The following AKT1 variants were observed in gnomAD, a reference collection of about 807,000 sequenced individuals.
AKT1 encodes RAC-alpha serine/threonine-protein kinase.
In AKT1, 21 loss-of-function variants were observed where a neutral mutation model predicts 63.1. The observed-to-expected ratio is 0.33, with a 90% confidence interval of 0.24 to 0.48. The LOEUF is 0.48. AKT1 is among the 20% of genes least tolerant of loss of function. The probability of loss-of-function intolerance (pLI) is 0.99; values close to 1 mark genes in which losing one functional copy is unlikely to be tolerated. For synonymous variants in AKT1, 257 were observed against 253.1 expected, an observed-to-expected ratio of 1.02 and a Z score of -0.15; for missense variants, 382 against 666.0, an observed-to-expected ratio of 0.57 and a Z score of 4.69.
At chr14:104,773,877 C>T (rs371922463) in intron 9 of AKT1, 35 bp downstream of exon 9, 197 of 1,573,026 alleles carry the variant, frequency 1.3e-4, no homozygotes, top group Non-Finnish European at 1.6e-4. Flanking sequence ...GGCCCACAGG[C>T]CGCGAAGTCC....
rs546796275 is a variant in AKT1 at position 104,785,231 on chromosome 14, G to A, written c.47-5015C>T. Among the ~76,000 whole-genome samples the A allele has an allele frequency of 2.2e-4, 34 of 152,268 alleles. No homozygotes were observed. The South Asian group carries it at 2.7e-3, about 12-fold the overall frequency. ...CACCCTCCCCGCCTGCCAGGAGACC[G>A]CACAGCTCACCGCGAAGGGCCCGGC... On this transcript the variant is annotated intron_variant, in intron 3 of 14. Transcript: ENST00000649815.
chr14:104,777,599 A>G, intron 4 of AKT1: 1 of 1,000,156 alleles, frequency 1.0e-6, no homozygotes, highest in Non-Finnish European at 1.2e-6. Context: ...CAGCACGTAC[A>G]CCCTGAGGGC....
At chr14:104,779,221 CAT>C (rs984853262) in intron 4 of AKT1, among the ~76,000 whole-genome samples, 8 of 152,338 alleles carry the variant, frequency 5.3e-5, no homozygotes, top group African/African-American at 1.7e-4. Flanking sequence ...GGGAGCGTCA[CAT>C]GTCTCTCATC....
At chr14:104,772,092 C>T (rs1015362324) in intron 13 of AKT1, 6 of 558,510 alleles carry the variant, frequency 1.1e-5, no homozygotes, top group Non-Finnish European at 1.9e-5. Flanking sequence ...GACACACCTC[C>T]GAGGGGAGGA....
In AKT1 at chr14:104,774,984, A is replaced by T. The variant is rs751416672; in HGVS notation, c.587T>A (p.Leu196His). The T allele has an allele frequency of 6.2e-7, 1 of 1,612,674 alleles. No homozygotes were observed. Among genetic ancestry groups the T allele is most frequent in the Non-Finnish European group, 8.5e-7 (1 of 1,179,660 alleles). Reference sequence around the variant, plus strand: ...GTTCTGCAGGACGCGGTTCTCGGTGAGTGTGTGGGCCACCTCGTCCTGTAA... The same window carrying T: ...GTTCTGCAGGACGCGGTTCTCGGTGTGTGTGTGGGCCACCTCGTCCTGTAA... ...IVAKDEVAHT[L>H]TENRVLQNSR... The change falls in exon 8 of 15, where the codon CTC becomes CAC. Residue 196 changes from leucine (L) to histidine (H), a missense_variant. Physicochemically the swap from Leu to His is moderately conservative, Grantham distance 99. Transcript: ENST00000649815.
intron 3 of AKT1, among the ~76,000 whole-genome samples, chr14:104,785,371 G>A (rs1240571962): frequency 3.3e-5 from 5 of 152,228 alleles, no homozygotes; most frequent in Admixed American, 3.3e-4. Context: ...ACGGAGGCCA[G>A]CTGACCCCAC....
chr14:104,781,232 T>C (rs560373684), intron 3 of AKT1, among the ~76,000 whole-genome samples: 1 of 144,058 alleles, frequency 6.9e-6, no homozygotes, highest in South Asian at 2.3e-4. Flanking sequence ...GAGGGGTCAC[T>C]GGGCAGGGGT....
At chr14:104,787,220 G>A (rs534331513) in intron 3 of AKT1, among the ~76,000 whole-genome samples, 3 of 152,264 alleles carry the variant, frequency 2.0e-5, no homozygotes, top group East Asian at 1.9e-4. Flanking sequence ...ACCTAAAGGC[G>A]GCATGGCAGG....
At position 104,782,964 on chromosome 14, in the gene AKT1, G is replaced by A. The variant is rs1315497051; in HGVS notation, c.47-2748C>T. On this transcript the variant is annotated intron_variant, in intron 3 of 14. Transcript: ENST00000649815. ...AGCCCAGACAGGATGCTGGGTGGGC[G>A]GCCAGCCCCGACAGCAGATGCGGCA... is the stretch of plus-strand genomic sequence containing the variant. Among the ~76,000 whole-genome samples, 13 of 152,260 alleles carry A rather than the reference G, an allele frequency of 8.5e-5. No homozygotes were observed. The East Asian group carries it at 1.5e-3, about 18-fold the overall frequency.
chr14:104,770,910 G>A, intron 13 of AKT1, 63 bp from the exon 14 acceptor site: 2 of 1,467,120 alleles, frequency 1.4e-6, no homozygotes, highest in Non-Finnish European at 1.9e-6. Context: ...ACACCCTCAA[G>A]TGTGCTCAAG....
rs531691711 is a variant in AKT1 at position 104,781,365 on chromosome 14, C to T, written c.47-1149G>A. Among the ~76,000 whole-genome samples the T allele has an allele frequency of 3.3e-5, 5 of 152,242 alleles. No individual in the cohort carries two copies. The South Asian group carries it at 6.2e-4, about 19-fold the overall frequency. On this transcript the variant is annotated intron_variant, in intron 3 of 14. Coordinates refer to ENST00000649815, the MANE Select transcript of AKT1 (RefSeq NM_001382430.1). ...TGGGGGACAAGCAATTGTCCCATCA[C>T]CAGACCACCCACCACCCAGTCCTGC...
chr14:104,788,886 G>A (rs1893475747), intron 3 of AKT1, among the ~76,000 whole-genome samples: 1 of 152,186 alleles, frequency 6.6e-6, no homozygotes, highest in Non-Finnish European at 1.5e-5. Context: ...GCATGGCAAG[G>A]ACTCAGATGT....
rs1892631592 is a variant in AKT1, at chr14:104,775,198, C to T, written c.445G>A (p.Glu149Lys). ...AKPKHRVTMNEFEYLKLLGKG... is the reference protein window; with the variant it reads ...AKPKHRVTMNKFEYLKLLGKG... The stretch of plus-strand genomic sequence containing the variant: ...CCCAGCAGCTTCAGGTACTCAAACT[C>T]GTTCATGGTCTATGGGCAGGCACCA... The change falls in exon 7 of 15, where the codon GAG becomes AAG. Residue 149 changes from glutamate to lysine, a missense_variant. By Grantham distance (56) the Glu-to-Lys change is moderately conservative (BLOSUM62 1). This residue lies in a region of AKT1 where 226 missense variants were observed against 366.4 expected (regional missense o/e 0.62). Coordinates refer to ENST00000649815, the MANE Select transcript of AKT1 (RefSeq NM_001382430.1). 8 of 1,613,952 alleles carry T rather than the reference C, an allele frequency of 5.0e-6. No homozygotes were observed. The highest frequency in any genetic ancestry group is 6.8e-6 in the Non-Finnish European group (8 of 1,180,036).
In AKT1 at chr14:104,773,485, C is replaced by T. The variant is rs367635775; in HGVS notation, c.798G>A (p.Ser266=). Reference sequence around the variant, plus strand: ...GGTCCCGGTACACCACGTTCTTCTCCGAGTGCAGGTAGTCCAGGGCTGACA... The same window carrying T: ...GGTCCCGGTACACCACGTTCTTCTCTGAGTGCAGGTAGTCCAGGGCTGACA... ...EIVSALDYLH[S]EKNVVYRDLK... Residue 266 remains serine (S), a synonymous_variant, in exon 10 of 15, where the codon TCG becomes TCA. Transcript: ENST00000649815. The T allele has an allele frequency of 6.7e-5, 108 of 1,613,766 alleles. No homozygotes were observed. The highest frequency in any genetic ancestry group is 8.3e-5 in the Admixed American group (5 of 59,984).
chr14:104,779,457 G>A (rs1001557147), intron 4 of AKT1, among the ~76,000 whole-genome samples: 2 of 152,230 alleles, frequency 1.3e-5, no homozygotes, highest in African/African-American at 4.8e-5. Context: ...TTCCCAAGGA[G>A]AGGCCCTGAT....
Position 104,769,548 on chromosome 14 carries a change from G to C in AKT1, c.*793C>G. On this transcript the variant is annotated 3_prime_UTR_variant, in exon 15 of 15. Transcript: ENST00000649815. ...GAGGGCCTGGGGCGACAGCGGAAAG[G>C]TTAAGCGTCGAAAAGGTCAAGTGCT... is the stretch of plus-strand genomic sequence containing the variant. The C allele has an allele frequency of 1.9e-6, 1 of 533,960 alleles. No individual in the cohort carries two copies. Among genetic ancestry groups the C allele is most frequent in the Non-Finnish European group, 3.6e-6 (1 of 275,588 alleles). The allele number at this position is 533,960 out of a possible 1,614,324, so 33.1% of individuals were successfully genotyped here.
Position 104,771,707 on chromosome 14 carries a change from G to A in AKT1, c.1260+658C>T, listed in dbSNP as rs542005139. ...TTCAGGGGAGGGGCAGGCTGGGAAC[G>A]GGGCAGAAGCACACCTGGTGACAGG... On this transcript the variant is annotated intron_variant, in intron 13 of 14. Transcript: ENST00000649815. 36 of 234,534 alleles carry A rather than the reference G, an allele frequency of 1.5e-4. No individual in the cohort carries two copies. The Middle Eastern group carries it at 3.8e-3, about 25-fold the overall frequency. 14.5% of individuals were successfully genotyped at this position (234,534 alleles called of 1,614,324 possible). A position where few individuals can be genotyped will look rare whatever the true frequency, so the allele number is the denominator to read the frequency against.
chr14:104,787,854 T>C (rs190708748), intron 3 of AKT1, among the ~76,000 whole-genome samples: 10 of 152,342 alleles, frequency 6.6e-5, no homozygotes, highest in African/African-American at 2.4e-4. Flanking sequence ...GGGCCAGCAG[T>C]GACCCCTCAC....
chr14:104,792,809 G>C (rs534620299), intron 2 of AKT1, 87 bp from the exon 3 acceptor site: 4 of 790,100 alleles, frequency 5.1e-6, no homozygotes, highest in Admixed American at 2.1e-5. Flanking sequence ...CCCACTGCAC[G>C]TGCCTGGGGG....
Sources: allele counts gnomAD v4.1 joint callset (sites outside exome capture counted in the v4.1 genomes callset), GRCh38; gene constraint gnomAD v4.1.1; regional missense constraint gnomAD v4.1.1; transcripts MANE v1.5; gene names NCBI Gene and HGNC (gene_info 2026-07-23, HGNC 2026-07-21).